The following CCDC134 variants were observed in gnomAD, a reference collection of about 807,000 sequenced individuals.
CCDC134 encodes the protein coiled-coil domain containing 134.
Under a neutral mutation model 25.6 loss-of-function variants are expected in CCDC134, and 27 were observed. The observed-to-expected ratio is 1.05, with a 90% CI of 0.78 to 1.45. The LOEUF is 1.45. CCDC134 is among the 40% of genes most tolerant of loss of function. The probability of loss-of-function intolerance (pLI) is 0.00; values close to 1 mark genes in which losing one functional copy is unlikely to be tolerated. For synonymous variants in CCDC134, 110 were observed against 115.0 expected (o/e 0.96, Z 0.28); for missense variants, 261 against 286.7 (o/e 0.91, Z 0.65).
chr22:41,820,805 C>T (rs2076648286), intron 6 of CCDC134, among the ~76,000 whole-genome samples: 1 of 151,890 alleles, frequency 6.6e-6, no homozygotes, highest in African/African-American at 2.4e-5. Flanking sequence ...GTAAAGATGT[C>T]AAGGAGGTAG....
chr22:41,812,422 CAAAAAAAAAAAA>C (rs36098937), intron 4 of CCDC134, among the ~76,000 whole-genome samples: 2 of 77,208 alleles, frequency 2.6e-5, no homozygotes, highest in Non-Finnish European at 2.6e-5. Context: ...ACTCCGTCTC[CAAAAAAAAAAAA>C]AAAAAAAAAA....
At chr22:41,813,691 C>A in intron 5 of CCDC134, 60 bp from the exon 6 acceptor site, 2 of 1,533,040 alleles carry the variant, frequency 1.3e-6, no homozygotes, top group Non-Finnish European at 9.0e-7. Context: ...GAAGGAATGA[C>A]TCTCTGGTGA....
chr22:41,812,135 A>C (rs2076599257), intron 4 of CCDC134, among the ~76,000 whole-genome samples: 1 of 152,118 alleles, frequency 6.6e-6, no homozygotes, highest in Non-Finnish European at 1.5e-5. Flanking sequence ...TAAGATGACA[A>C]CACTAGGCCA....
intron 1 of CCDC134, among the ~76,000 whole-genome samples, chr22:41,803,881 C>T (rs1050491933): frequency 2.0e-5 from 3 of 152,044 alleles, no homozygotes; most frequent in African/African-American, 7.2e-5. Flanking sequence ...CCTGTAATCC[C>T]AGCACTTTGG....
chr22:41,824,580 C>T (rs2076667167), intron 6 of CCDC134, among the ~76,000 whole-genome samples: 2 of 152,080 alleles, frequency 1.3e-5, no homozygotes, highest in Admixed American at 6.6e-5. Context: ...GCCAACATAG[C>T]GCAACCCTGG....
chr22:41,816,201 CAT>C (rs1273116069), intron 6 of CCDC134, among the ~76,000 whole-genome samples: 5 of 152,350 alleles, frequency 3.3e-5, no homozygotes, highest in Middle Eastern at 6.8e-3. Flanking sequence ...TTCTCTCCCA[CAT>C]GTTACGCTTG....
chr22:41,807,958 C>T (rs548916186), intron 1 of CCDC134, among the ~76,000 whole-genome samples: 3 of 151,898 alleles, frequency 2.0e-5, no homozygotes, highest in South Asian at 2.1e-4. Context: ...GTTGGGAGTT[C>T]GAGACCAGCC....
chr22:41,809,570 A>C (rs923618974), intron 2 of CCDC134, among the ~76,000 whole-genome samples: 2 of 152,140 alleles, frequency 1.3e-5, no homozygotes, highest in African/African-American at 2.4e-5. Context: ...GCGCGAGCAG[A>C]GAGGTGGAGG....
In CCDC134 at chr22:41,806,275, G is replaced by A. The variant is rs577647638; in HGVS notation, c.-16-2600G>A. ...GCTCTGTTGCCCAGGCTGGAGTGCA[G>A]TGGTGCGATCTCGGCTCACTGCAAC... On this transcript the variant is annotated intron_variant, in intron 1 of 6. Coordinates refer to ENST00000255784, the MANE Select transcript of CCDC134 (RefSeq NM_024821.5). 2.4e-3 allele frequency among the ~76,000 whole-genome samples: 353 copies of A among 144,350 alleles called. 1 individual carries two copies. Among genetic ancestry groups the A allele is most frequent in the Admixed American group, 5.2e-3 (73 of 14,070 alleles). 94.7% of individuals were successfully genotyped at this position (144,350 alleles called of 152,430 possible).
In CCDC134 at chr22:41,826,641, G is replaced by T. The variant is rs1320658703; in HGVS notation, c.*818G>T. 6.6e-6 allele frequency among the ~76,000 whole-genome samples: 1 copy of T among 152,238 alleles called. No individual in the cohort carries two copies. Among genetic ancestry groups the T allele is most frequent in the African/African-American group, 2.4e-5 (1 of 41,464 alleles). The stretch of plus-strand genomic sequence containing the variant: ...GCGCTGGAAGACAGTCAACCTGTGG[G>T]TGGGGGGCTGCAGGGGGACAGGCCG... On this transcript the variant is annotated 3_prime_UTR_variant, in exon 7 of 7. Coordinates refer to ENST00000255784, the MANE Select transcript of CCDC134 (RefSeq NM_024821.5).
chr22:41,812,557 G>T (rs927137986), intron 4 of CCDC134, among the ~76,000 whole-genome samples: 5 of 151,924 alleles, frequency 3.3e-5, no homozygotes, highest in African/African-American at 1.2e-4. Context: ...CAGAGCTTTA[G>T]AAGGCCGAGG....
intron 1 of CCDC134, among the ~76,000 whole-genome samples, chr22:41,808,581 A>C (rs1817934809): frequency 6.6e-6 from 1 of 152,216 alleles, no homozygotes; most frequent in South Asian, 2.1e-4. Context: ...TCGAGGTCCC[A>C]GAGACGGGCG....
Position 41,813,296 on chromosome 22 carries a change from T to A in CCDC134, c.343T>A (p.Phe115Ile). ...FSHVVENTAF[F>I]GDVVLRFPRI... ...CCACGTGGTGGAGAACACGGCCTTC[T>A]TCGGCGATGTGGTGCTGCGCTTCCC... Residue 115 changes from phenylalanine to isoleucine, a missense_variant, in exon 5 of 7, where the codon TTC (phenylalanine) becomes ATC (isoleucine). By Grantham distance (21) the Phe-to-Ile change is conservative. Transcript: ENST00000255784. The A allele has an allele frequency of 6.2e-7, 1 of 1,614,202 alleles. No individual in the cohort carries two copies. The highest frequency in any genetic ancestry group is 8.5e-7 in the Non-Finnish European group (1 of 1,180,036).
chr22:41,809,562 G>A (rs2076584095), intron 2 of CCDC134, among the ~76,000 whole-genome samples: 2 of 152,206 alleles, frequency 1.3e-5, no homozygotes, highest in Non-Finnish European at 2.9e-5. Context: ...AGGGTGCAGC[G>A]CGAGCAGAGA....
chr22:41,813,470 C>G (rs768096527), intron 5 of CCDC134, 25 bp downstream of exon 5: 1 of 1,613,442 alleles, frequency 6.2e-7, no homozygotes, highest in South Asian at 1.1e-5. Flanking sequence ...GGAGGTGGCC[C>G]GGGAGCCCTC....
intron 1 of CCDC134, 117 bp from the exon 2 acceptor site, chr22:41,808,758 G>A: frequency 1.3e-6 from 1 of 794,664 alleles, no homozygotes; most frequent in Non-Finnish European, 2.1e-6. Context: ...CCAAAGCTGG[G>A]TTCTTGGTAT....
Position 41,831,574 on chromosome 22 carries a change from C to T in CCDC134, c.*5751C>T, listed in dbSNP as rs2076710948. The T allele has an allele frequency of 1.3e-5, 2 of 152,234 alleles. No individual in the cohort carries two copies. Among genetic ancestry groups the T allele is most frequent in the African/African-American group, 2.4e-5 (1 of 41,466 alleles). 9.4% of individuals were successfully genotyped at this position (152,234 alleles called of 1,614,324 possible). A position where few individuals can be genotyped will look rare whatever the true frequency, so the allele number is the denominator to read the frequency against. ...TATGCCGAGAGCTGGCTGCCAGCAG[C>T]TCCTCCTGCCTCGAGGCCTTTGTCC... On this transcript the variant is annotated 3_prime_UTR_variant, in exon 7 of 7. Coordinates refer to ENST00000255784, the MANE Select transcript of CCDC134 (RefSeq NM_024821.5).
At chr22:41,819,996 T>TATATATATATATATATAG (rs1019930583) in intron 6 of CCDC134, among the ~76,000 whole-genome samples, 3 of 132,366 alleles carry the variant, frequency 2.3e-5, no homozygotes, top group African/African-American at 9.2e-5. Context: ...TATATATATA[T>TATATATATATATATATAG]ATAATTTTTT....
chr22:41,801,066 A>G (rs2076540095), intron 1 of CCDC134, among the ~76,000 whole-genome samples: 1 of 136,350 alleles, frequency 7.3e-6, no homozygotes, highest in Non-Finnish European at 1.7e-5. Flanking sequence ...CGGGATTGAG[A>G]GGCTGAAAAA....
Sources: gnomAD v4.1 joint callset for allele counts (sites outside exome capture counted in the v4.1 genomes callset) on GRCh38, gnomAD v4.1.1 for gene constraint, MANE v1.5 for transcripts, NCBI Gene and HGNC (gene_info 2026-07-23, HGNC 2026-07-21) for gene names.